The following NUP62CL variants were observed in gnomAD, a reference collection of about 807,000 sequenced individuals.
NUP62CL encodes nucleoporin-62 C-terminal-like protein.
NUP62CL carries 13 observed loss-of-function variants against 15.3 expected under a neutral mutation model. The observed-to-expected ratio is 0.85, with a 90% CI of 0.55 to 1.35. NUP62CL has a LOEUF of 1.35. Among genes scored for constraint, NUP62CL ranks in the 40% most tolerant of loss-of-function variants. The probability of loss-of-function intolerance (pLI) is 0.00; values close to 1 mark genes in which losing one functional copy is unlikely to be tolerated. For synonymous variants in NUP62CL, 54 were observed against 49.2 expected (o/e 1.10, Z -0.41); for missense variants, 123 against 130.6 (o/e 0.94, Z 0.28).
chrX:107,199,564 C>T (rs1313087963), intron 1 of NUP62CL, among the ~76,000 whole-genome samples: 1 of 112,150 alleles, frequency 8.9e-6, no homozygotes, highest in Admixed American at 9.4e-5. Flanking sequence ...TTCCTAGTTT[C>T]TTAGAAGCAA....
chrX:107,186,039 T>C (rs897482578), intron 2 of NUP62CL, among the ~76,000 whole-genome samples: 1 of 111,771 alleles, frequency 8.9e-6, no homozygotes, highest in Admixed American at 9.5e-5. Context: ...TAATCATATG[T>C]GTATGAACCA....
intron 4 of NUP62CL, among the ~76,000 whole-genome samples, chrX:107,156,209 G>A (rs1202508806): frequency 4.5e-5 from 5 of 111,681 alleles, no homozygotes; most frequent in African/African-American, 1.6e-4. Flanking sequence ...GGGGAGGGGC[G>A]CCCGCCATTG....
intron 8 of NUP62CL, among the ~76,000 whole-genome samples, chrX:107,142,884 C>T (rs750999176): frequency 2.7e-5 from 3 of 111,644 alleles, no homozygotes; most frequent in South Asian, 7.5e-4. Flanking sequence ...TAAATTTTTA[C>T]AAAGAGAATA....
At chrX:107,152,997 GA>G (rs776477865) in intron 7 of NUP62CL, among the ~76,000 whole-genome samples, 174 bp downstream of exon 7, 3 of 112,147 alleles carry the variant, frequency 2.7e-5, no homozygotes, top group Non-Finnish European at 5.6e-5. Context: ...CAAGCATCCA[GA>G]AAAGATAACC....
chrX:107,132,425 T>A (rs777388031), intron 8 of NUP62CL, among the ~76,000 whole-genome samples: 29 of 112,353 alleles, frequency 2.6e-4, no homozygotes, highest in Non-Finnish European at 4.3e-4. Context: ...CAACTTATTT[T>A]ACCAGAATCA....
At chrX:107,163,268 T>A (rs1320354711) in intron 4 of NUP62CL, among the ~76,000 whole-genome samples, 1 of 111,727 alleles carries the variant, frequency 9.0e-6, no homozygotes, top group Non-Finnish European at 1.9e-5. Flanking sequence ...GTTTCTGCAC[T>A]TCACCCAAAC....
chrX:107,154,017 C>T (rs1926113294), intron 5 of NUP62CL, 79 bp downstream of exon 5: 1 of 952,553 alleles, frequency 1.0e-6, no homozygotes, highest in Non-Finnish European at 1.4e-6. Flanking sequence ...AAGAAAACCA[C>T]AAAACACAGG....
Position 107,149,066 on chromosome X carries a change from C to T in NUP62CL, c.531-1257G>A, listed in dbSNP as rs760533593. On this transcript the variant is annotated intron_variant, in intron 7 of 8. Transcript: ENST00000372466. Reference sequence around the variant, plus strand: ...TTTAATTGACTCATCTTAAACATCCCAATCACCCCTGCCAGGAAAACAAAA... The same window carrying T: ...TTTAATTGACTCATCTTAAACATCCTAATCACCCCTGCCAGGAAAACAAAA... Among the ~76,000 whole-genome samples, 7 of 111,546 alleles carry T rather than the reference C, an allele frequency of 6.3e-5. No individual in the cohort carries two copies. In the East Asian group the frequency reaches 1.7e-3, roughly 27 times the overall value.
intron 8 of NUP62CL, among the ~76,000 whole-genome samples, chrX:107,129,042 A>G (rs184289100): frequency 8.9e-6 from 1 of 111,900 alleles, no homozygotes; most frequent in Admixed American, 9.5e-5. Flanking sequence ...GATTAAGCAC[A>G]TGCATTTACC....
chrX:107,200,230 A>G (rs766096014), intron 1 of NUP62CL, among the ~76,000 whole-genome samples: 2 of 112,042 alleles, frequency 1.8e-5, no homozygotes, highest in South Asian at 7.6e-4. Flanking sequence ...TCAAAGCCTT[A>G]AGGTCAGAAT....
chrX:107,144,540 G>GA (rs1369820230), intron 8 of NUP62CL, among the ~76,000 whole-genome samples: 11 of 112,096 alleles, frequency 9.8e-5, no homozygotes, highest in Non-Finnish European at 1.7e-4. Context: ...CCTGCCAAGA[G>GA]AAAAAAATCA....
intron 2 of NUP62CL, among the ~76,000 whole-genome samples, chrX:107,183,679 T>A (rs1415066361): frequency 9.0e-6 from 1 of 110,837 alleles, no homozygotes; most frequent in Admixed American, 9.6e-5. Context: ...AGTCTGCTTT[T>A]TTTAGACAAA....
intron 8 of NUP62CL, among the ~76,000 whole-genome samples, chrX:107,135,940 G>A (rs892976498): frequency 2.7e-5 from 3 of 110,788 alleles, no homozygotes; most frequent in Non-Finnish European, 5.7e-5. Context: ...CAACACCCAC[G>A]CTGTATATGC....
intron 2 of NUP62CL, among the ~76,000 whole-genome samples, chrX:107,191,033 C>A (rs1927224446): frequency 9.5e-6 from 1 of 104,737 alleles, no homozygotes; most frequent in Admixed American, 1.1e-4. Context: ...GCAGTGTTGT[C>A]CAACTTTTTT....
chrX:107,149,484 A>AT (rs2147797225), intron 7 of NUP62CL, among the ~76,000 whole-genome samples: 1 of 112,131 alleles, frequency 8.9e-6, no homozygotes, highest in South Asian at 3.7e-4. Context: ...ACAGAATGGC[A>AT]TAATTTTTAT....
At chrX:107,157,837 T>C (rs1219884977) in intron 4 of NUP62CL, among the ~76,000 whole-genome samples, 1 of 110,914 alleles carries the variant, frequency 9.0e-6, no homozygotes, top group Non-Finnish European at 1.9e-5. Context: ...GACTGGCAAA[T>C]TGGATAAAGA....
At chrX:107,153,037 T>G (rs1179485941) in intron 7 of NUP62CL, 135 bp downstream of exon 7, 1 of 496,035 alleles carries the variant, frequency 2.0e-6, no homozygotes, top group Admixed American at 3.9e-5. Flanking sequence ...TTGATAAATG[T>G]CAACTACAAA....
At chrX:107,172,979 C>G (rs1285572) in intron 3 of NUP62CL, among the ~76,000 whole-genome samples, 40,677 of 110,091 alleles carry the variant, frequency 0.37, 8,130 homozygotes, top group African/African-American at 0.77. Context: ...TCCAATGAGA[C>G]CCCCAAGACA....
chrX:107,188,825 A>C (rs1927137420), intron 2 of NUP62CL, among the ~76,000 whole-genome samples: 1 of 112,007 alleles, frequency 8.9e-6, no homozygotes, highest in Non-Finnish European at 1.9e-5. Context: ...AGTGATGAAA[A>C]GCAAACACAA....
Sources: gnomAD v4.1 joint callset for allele counts (sites outside exome capture counted in the v4.1 genomes callset) on GRCh38, gnomAD v4.1.1 for gene constraint, MANE v1.5 for transcripts, NCBI Gene and HGNC (gene_info 2026-07-23, HGNC 2026-07-21) for gene names.